The following ABCA7 variants were observed in gnomAD, a reference collection of about 807,000 sequenced individuals.
ABCA7 encodes the protein phospholipid-transporting ATPase ABCA7.
In ABCA7, 261 loss-of-function variants were observed where a neutral mutation model predicts 227.6. The ratio of observed to expected loss-of-function variants is 1.15; its 90% confidence interval spans 1.04 to 1.27. The LOEUF (loss-of-function observed/expected upper bound fraction) is 1.27. Among genes scored for constraint, ABCA7 ranks in the 50% most tolerant of loss-of-function variants. ABCA7 has a pLI of 0.00. For synonymous variants in ABCA7, 1,488 were observed against 1,279.7 expected, an observed-to-expected ratio of 1.16 and a Z score of -3.47; for missense variants, 3,331 against 2,924.5, an observed-to-expected ratio of 1.14 and a Z score of -3.21.
chr19:1,044,887 G>A (rs2040456758), intron 11 of ABCA7, 115 bp from the exon 12 acceptor site: 1 of 1,480,648 alleles, frequency 6.8e-7, no homozygotes, highest in Non-Finnish European at 9.1e-7. Context: ...GAGGGAGCCG[G>A]CCGTGGGCCT....
intron 18 of ABCA7, among the ~76,000 whole-genome samples, chr19:1,050,038 A>G (rs906076538): frequency 1.5e-5 from 2 of 131,308 alleles, no homozygotes; most frequent in African/African-American, 5.8e-5. Flanking sequence ...GCTCCCTGTG[A>G]GGCCCCCGAC....
At position 1,053,522 on chromosome 19, in the gene ABCA7, C is replaced by G. The variant is rs745694422; in HGVS notation, c.3414C>G (p.Ser1138Arg). The change falls in exon 24 of 47, where the codon AGC becomes AGG. Residue 1138 changes from serine to arginine, a missense_variant. By Grantham distance (110) the Ser-to-Arg change is moderately radical. Transcript: ENST00000263094. ...CTGGCTACGGGATCTCCGACACCAG[C>G]CTCGAGGAGGTGTGAGGCCTGGGTG... ...RLTGYGISDT[S>R]LEEIFLKVVE... The G allele has an allele frequency of 4.0e-5, 62 of 1,564,746 alleles. No homozygotes were observed. Among genetic ancestry groups the G allele is most frequent in the Non-Finnish European group, 5.2e-5 (60 of 1,160,160 alleles).
intron 13 of ABCA7, 103 bp from the exon 14 acceptor site, chr19:1,046,699 C>G: frequency 1.5e-5 from 19 of 1,286,522 alleles, no homozygotes; most frequent in Non-Finnish European, 2.0e-5. Context: ...GGCAAATCTT[C>G]CCGCCTTGAG....
At chr19:1,050,351 G>A (rs1391200956) in intron 18 of ABCA7, among the ~76,000 whole-genome samples, 2 of 151,790 alleles carry the variant, frequency 1.3e-5, no homozygotes, top group African/African-American at 4.8e-5. Context: ...GGCGGAGGTT[G>A]CAGTGAGCCG....
In ABCA7 at chr19:1,064,226, TGGG is replaced by T. The variant is rs1309760957; in HGVS notation, c.6018_6020del (p.Gly2007del). The T allele has an allele frequency of 6.4e-7, 1 of 1,568,868 alleles. No individual in the cohort carries two copies. Among genetic ancestry groups the T allele is most frequent in the African/African-American group, 1.4e-5 (1 of 73,690 alleles). On this transcript the variant is annotated inframe_deletion, in exon 45 of 47. Coordinates refer to ENST00000263094, the MANE Select transcript of ABCA7 (RefSeq NM_019112.4). ...ATGGTGAATGGGCGGTTCCGCTGCC[TGGG>T]CAGCCCGCAACATCTCAAGGGCAGG... is the stretch of plus-strand genomic sequence containing the variant.
At position 1,063,771 on chromosome 19, in the gene ABCA7, C is replaced by G; in HGVS notation, c.5859C>G (p.Thr1953=). 3 of 1,547,612 alleles carry G rather than the reference C, an allele frequency of 1.9e-6. No individual in the cohort carries two copies. Among genetic ancestry groups the G allele is most frequent in the Non-Finnish European group, 2.6e-6 (3 of 1,145,940 alleles). ...DPAVVFLDEP[T]TGMDPSARRF... is the part of the protein sequence containing the mutation. Reference sequence around the variant, plus strand: ...TCCGTGCTCCCCAGGACGAGCCGACCACAGGCATGGACCCCAGCGCGCGGC... The same window carrying G: ...TCCGTGCTCCCCAGGACGAGCCGACGACAGGCATGGACCCCAGCGCGCGGC... Residue 1953 remains threonine, a synonymous_variant, in exon 44 of 47, where the codon ACC becomes ACG. Coordinates refer to ENST00000263094, the MANE Select transcript of ABCA7 (RefSeq NM_019112.4).
chr19:1,052,309 C>G (rs1428439947), intron 23 of ABCA7, 23 bp downstream of exon 23: 17 of 1,513,164 alleles, frequency 1.1e-5, no homozygotes, highest in Admixed American at 2.1e-5. Flanking sequence ...GTGGGAGACC[C>G]AAGGCGGGTG....
chr19:1,048,505 A>G (rs866824102), intron 16 of ABCA7, among the ~76,000 whole-genome samples: 62 of 128,886 alleles, frequency 4.8e-4, no homozygotes, highest in African/African-American at 2.0e-3. Context: ...TCAAAAAAAA[A>G]AAAACAAAAA....
chr19:1,052,196 G>A lies in ABCA7; in HGVS notation c.3148-18G>A, dbSNP rs59366698. On this transcript the variant is annotated intron_variant, in intron 22 of 46. Coordinates refer to ENST00000263094, the MANE Select transcript of ABCA7 (RefSeq NM_019112.4). ...TCAGCCCTGAAGGCCAAGCCACTTG[G>A]TGCCTCTCTGCCCGCAGGCTGACAC... is the stretch of plus-strand genomic sequence containing the variant. 16,360 of 1,598,202 alleles carry A rather than the reference G, an allele frequency of 0.01. 1,367 individuals are homozygous for A. In the African/African-American group the frequency reaches 0.19, roughly 19 times the overall value.
chr19:1,061,412 A>AAAAG (rs1568413677), intron 40 of ABCA7, among the ~76,000 whole-genome samples: 3 of 146,490 alleles, frequency 2.0e-5, no homozygotes, highest in Non-Finnish European at 4.5e-5. Flanking sequence ...AAAAAAAAAA[A>AAAAG]GAGGCTGGGT....
chr19:1,054,819 C>T lies in ABCA7; in HGVS notation c.3891C>T (p.Leu1297=), dbSNP rs368024653. 8.9e-6 allele frequency: 14 copies of T among 1,577,944 alleles called. No homozygotes were observed. The highest frequency in any genetic ancestry group is 2.3e-5 in the East Asian group (1 of 42,658). The change falls in exon 29 of 47, where the codon CTC becomes CTT. Residue 1297 remains leucine (L), a synonymous_variant. Coordinates refer to ENST00000263094, the MANE Select transcript of ABCA7 (RefSeq NM_019112.4). This position sits in a 1 kb window ranked among gnomAD's most constrained non-coding sequence, Gnocchi z 4.8. ...APGDPGRARL[L]EALLQEAGLE... is the part of the protein sequence containing the mutation. Reference sequence around the variant, plus strand: ...GGGACCCTGGACGTGCCCGGCTGCTCGAGGCGCTGCTGCAGGAGGCAGGAC... The same window carrying T: ...GGGACCCTGGACGTGCCCGGCTGCTTGAGGCGCTGCTGCAGGAGGCAGGAC...
At position 1,044,568 on chromosome 19, in the gene ABCA7, GC is replaced by G. The variant is rs759154525; in HGVS notation, c.1048-3del. On this transcript the variant is annotated splice_region_variant and splice_polypyrimidine_tract_variant and intron_variant, in intron 10 of 46. Coordinates refer to ENST00000263094, the MANE Select transcript of ABCA7 (RefSeq NM_019112.4). Reference sequence around the variant, plus strand: ...GACCCAGACTCTCACTTTCACCTGCGCCCCCCAGCGGCTCCTGCAGATGCAG... The same window carrying G: ...GACCCAGACTCTCACTTTCACCTGCGCCCCCAGCGGCTCCTGCAGATGCAG... The G allele has an allele frequency of 5.0e-6, 8 of 1,608,190 alleles. No homozygotes were observed. Among genetic ancestry groups the G allele is most frequent in the Non-Finnish European group, 8.5e-7 (1 of 1,177,300 alleles).
At position 1,043,025 on chromosome 19, in the gene ABCA7, G is replaced by A. The variant is rs950932810; in HGVS notation, c.580-16G>A. ...GGTGGGATCATTGCCAGCTCCGTCT[G>A]GTAACCTCTCTCTAGCTCCTGGCGC... On this transcript the variant is annotated splice_polypyrimidine_tract_variant and intron_variant, in intron 7 of 46. Coordinates refer to ENST00000263094, the MANE Select transcript of ABCA7 (RefSeq NM_019112.4). 5.0e-6 allele frequency: 8 copies of A among 1,585,788 alleles called. No individual in the cohort carries two copies. The Admixed American group carries it at 6.9e-5, about 14-fold the overall frequency.
At chr19:1,042,497 AT>A (rs776050442) in intron 6 of ABCA7, 100 bp downstream of exon 6, 2 of 1,432,248 alleles carry the variant, frequency 1.4e-6, no homozygotes, top group Non-Finnish European at 1.9e-6. Context: ...CGTTCCAGGC[AT>A]CCAGGCTGTC....
chr19:1,053,192 C>T (rs2041930146), intron 23 of ABCA7, 137 bp from the exon 24 acceptor site: 4 of 897,028 alleles, frequency 4.5e-6, no homozygotes, highest in Non-Finnish European at 6.7e-6. Context: ...TGCGCCCGGC[C>T]GCACCTGGCC....
At chr19:1,063,705 G>T (rs1406443067) in intron 43 of ABCA7, 27 bp downstream of exon 43, 18 of 1,565,786 alleles carry the variant, frequency 1.1e-5, no homozygotes, top group Non-Finnish European at 1.5e-5. Context: ...CCTGGGTGGG[G>T]TGGGGCCTGC....
At chr19:1,050,603 C>G (rs1478323162) in intron 18 of ABCA7, among the ~76,000 whole-genome samples, 1 of 150,556 alleles carries the variant, frequency 6.6e-6, no homozygotes, top group Non-Finnish European at 1.5e-5. Context: ...AACAGTGAAA[C>G]CCCGTCTCTA....
At chr19:1,040,540 GGTCCCAGTTCCGGCCTGGTCACCTTTA>G (rs2039923600) in intron 1 of ABCA7, among the ~76,000 whole-genome samples, 1 of 152,164 alleles carries the variant, frequency 6.6e-6, no homozygotes, top group Non-Finnish European at 1.5e-5. Context: ...CTGGGTCTGA[GGTCCCAGTTCCGGCCTGGTCACCTTTA>G]GCAACTTCCT....
chr19:1,064,111 G>A (rs2042874071), intron 44 of ABCA7, 50 bp from the exon 45 acceptor site: 24 of 1,501,006 alleles, frequency 1.6e-5, no homozygotes, highest in Non-Finnish European at 2.1e-5. Flanking sequence ...TGTGGCGCCA[G>A]GCACAGGTGG....
Sources: allele counts gnomAD v4.1 joint callset (sites outside exome capture counted in the v4.1 genomes callset), GRCh38; gene constraint gnomAD v4.1.1; non-coding constraint Gnocchi (gnomAD v3.1); transcripts MANE v1.5; gene names NCBI Gene and HGNC (gene_info 2026-07-23, HGNC 2026-07-21).